The following GRID2 variants were observed in gnomAD, a reference collection of about 807,000 sequenced individuals.
The protein encoded by GRID2 is glutamate ionotropic receptor delta type subunit 2.
Under a neutral mutation model 114.8 loss-of-function variants are expected in GRID2, and 33 were observed. The observed-to-expected ratio is 0.29, with a 90% CI of 0.22 to 0.38. GRID2 has a LOEUF of 0.38. Among genes scored for constraint, GRID2 ranks in the 10% least tolerant of loss-of-function variants. GRID2 has a pLI of 1.00. For synonymous variants in GRID2, 505 were observed against 449.9 expected (o/e 1.12, Z -1.55); for missense variants, 1,184 against 1,257.7 (o/e 0.94, Z 0.89).
chr4:93,260,870 C>T (rs1011174167), intron 8 of GRID2, among the ~76,000 whole-genome samples: 1 of 151,762 alleles, frequency 6.6e-6, no homozygotes, highest in East Asian at 1.9e-4. Context: ...CTGCAGAGAT[C>T]TTTATTACAT....
chr4:93,092,213 C>T (rs1730851595), intron 3 of GRID2, among the ~76,000 whole-genome samples: 1 of 152,010 alleles, frequency 6.6e-6, no homozygotes, highest in South Asian at 2.1e-4. Flanking sequence ...ACTACCAGGC[C>T]ATTGTTGAGC....
At chr4:92,628,192 C>T (rs559623207) in intron 2 of GRID2, among the ~76,000 whole-genome samples, 11 of 152,186 alleles carry the variant, frequency 7.2e-5, no homozygotes, top group Non-Finnish European at 1.3e-4. Flanking sequence ...TCTCATTAGC[C>T]AGCAGGAGAA....
At chr4:93,506,568 T>C (rs950010344) in intron 12 of GRID2, among the ~76,000 whole-genome samples, 1 of 152,106 alleles carries the variant, frequency 6.6e-6, no homozygotes, top group Non-Finnish European at 1.5e-5. Flanking sequence ...AGGGGGAAGA[T>C]GAAAGACTCA....
chr4:93,463,105 T>C (rs760370990), intron 11 of GRID2, among the ~76,000 whole-genome samples: 5 of 152,204 alleles, frequency 3.3e-5, no homozygotes, highest in Non-Finnish European at 4.4e-5. Context: ...TTCTGAGTGC[T>C]GTCACATCCA....
chr4:92,343,521 G>A (rs1253464317), intron 1 of GRID2, among the ~76,000 whole-genome samples: 2 of 151,918 alleles, frequency 1.3e-5, no homozygotes, highest in Non-Finnish European at 2.9e-5. Flanking sequence ...AGCATAAACA[G>A]TATATATAAT....
chr4:92,806,275 G>A (rs560611294), intron 2 of GRID2, among the ~76,000 whole-genome samples: 22 of 150,974 alleles, frequency 1.5e-4, no homozygotes, highest in African/African-American at 5.1e-4. Context: ...TTAGGATACC[G>A]AAAGAAGGAC....
At chr4:92,400,103 G>A (rs1560607625) in intron 1 of GRID2, among the ~76,000 whole-genome samples, 2 of 152,038 alleles carry the variant, frequency 1.3e-5, no homozygotes, top group South Asian at 4.1e-4. Flanking sequence ...ATTCATTAAG[G>A]TATAATTCAA....
At chr4:92,402,878 G>A (rs905935699) in intron 1 of GRID2, among the ~76,000 whole-genome samples, 4 of 152,126 alleles carry the variant, frequency 2.6e-5, no homozygotes, top group Admixed American at 2.6e-4. Flanking sequence ...GTCCTACATG[G>A]CATCTTCTTC....
intron 2 of GRID2, among the ~76,000 whole-genome samples, chr4:92,653,246 C>T (rs1379640315): frequency 6.7e-6 from 1 of 150,106 alleles, no homozygotes; most frequent in East Asian, 2.0e-4. Context: ...GATCCAGCCC[C>T]GCTCGGCCTC....
intron 2 of GRID2, among the ~76,000 whole-genome samples, chr4:92,615,111 G>A (rs1342685272): frequency 2.0e-5 from 3 of 151,494 alleles, no homozygotes; most frequent in African/African-American, 7.3e-5. Context: ...CAAGAACAAT[G>A]TGCCAACAGT....
At chr4:93,188,528 T>C (rs1189501011) in intron 4 of GRID2, among the ~76,000 whole-genome samples, 2 of 152,156 alleles carry the variant, frequency 1.3e-5, no homozygotes, top group Non-Finnish European at 2.9e-5. Context: ...CTTCTGTCCA[T>C]TGGCTTGATG....
At chr4:93,026,104 T>C (rs989924053) in intron 2 of GRID2, among the ~76,000 whole-genome samples, 2 of 151,844 alleles carry the variant, frequency 1.3e-5, no homozygotes, top group Non-Finnish European at 3.0e-5. Context: ...AGAAAATATT[T>C]TTGACTAACA....
chr4:92,565,830 T>A (rs1347182791), intron 1 of GRID2, among the ~76,000 whole-genome samples: 1 of 152,054 alleles, frequency 6.6e-6, no homozygotes, highest in Non-Finnish European at 1.5e-5. Flanking sequence ...GATAATTGAG[T>A]GTATTGGTTT....
In GRID2 at chr4:92,631,186, G is replaced by A. The variant is rs569332691; in HGVS notation, c.244+40900G>A. Among the ~76,000 whole-genome samples, 11 of 152,092 alleles carry A rather than the reference G, an allele frequency of 7.2e-5. No individual in the cohort carries two copies. In the South Asian group the frequency reaches 2.3e-3, roughly 32 times the overall value. On this transcript the variant is annotated intron_variant, in intron 2 of 15. Coordinates refer to ENST00000282020, the MANE Select transcript of GRID2 (RefSeq NM_001510.4). ...AAAATCATGCTTTAGATAACAATATGTATCTTCCAAAAACTATAGAACTCA... is the reference window on the plus strand; with the variant it reads ...AAAATCATGCTTTAGATAACAATATATATCTTCCAAAAACTATAGAACTCA...
intron 2 of GRID2, among the ~76,000 whole-genome samples, chr4:92,602,872 C>T (rs1376345277): frequency 1.3e-5 from 2 of 152,116 alleles, no homozygotes; most frequent in Non-Finnish European, 2.9e-5. Context: ...GATACAAAAT[C>T]AATGTGCAAA....
Position 92,975,855 on chromosome 4 carries a change from A to G in GRID2, c.245-109140A>G, listed in dbSNP as rs1468691082. 2.0e-5 allele frequency among the ~76,000 whole-genome samples: 3 copies of G among 152,220 alleles called. No individual in the cohort carries two copies. The East Asian group carries it at 5.8e-4, about 29-fold the overall frequency. ...GTGTTTTGATAGCAAAGAAACTAAC[A>G]TTCTCTTCTGCTCCTAAGGTGTAGG... is the stretch of plus-strand genomic sequence containing the variant. On this transcript the variant is annotated intron_variant, in intron 2 of 15. Transcript: ENST00000282020.
At chr4:93,282,320 A>G in intron 8 of GRID2, 2 of 404,554 alleles carry the variant, frequency 4.9e-6, no homozygotes, top group South Asian at 1.8e-5. Context: ...TTGGGCTGCT[A>G]TGACAGAATA....
At chr4:92,499,952 C>A (rs937739316) in intron 1 of GRID2, among the ~76,000 whole-genome samples, 1 of 152,162 alleles carries the variant, frequency 6.6e-6, no homozygotes, top group Non-Finnish European at 1.5e-5. Context: ...CTTTCTTATT[C>A]CTGACAAATA....
chr4:92,676,115 ATTTAAATCAGTT>A (rs1560526205), intron 2 of GRID2, among the ~76,000 whole-genome samples: 1 of 126,568 alleles, frequency 7.9e-6, no homozygotes, highest in Non-Finnish European at 1.6e-5. Flanking sequence ...TTGAATCAGT[ATTTAAATCAGTT>A]CATATGTTAT....
Sources: allele counts gnomAD v4.1 joint callset (sites outside exome capture counted in the v4.1 genomes callset), GRCh38; gene constraint gnomAD v4.1.1; transcripts MANE v1.5; gene names NCBI Gene and HGNC (gene_info 2026-07-23, HGNC 2026-07-21).